Variants in DIAPH3 observed in about 807,000 individuals in gnomAD.
DIAPH3 encodes diaphanous related formin 3, also known as protein diaphanous homolog 3.
DIAPH3 carries 117 observed loss-of-function variants against 144.3 expected under a neutral mutation model. That is an observed-to-expected ratio of 0.81 (90% CI 0.70 to 0.95). The LOEUF is 0.95. Ranked by LOEUF, DIAPH3 falls within the 40% of genes least tolerant of loss-of-function variation. DIAPH3 has a pLI of 0.00. For missense variants in DIAPH3, 1,421 were observed against 1,412.7 expected, an observed-to-expected ratio of 1.01 and a Z score of -0.09; for synonymous variants, 519 against 488.9, an observed-to-expected ratio of 1.06 and a Z score of -0.81.
intron 18 of DIAPH3, among the ~76,000 whole-genome samples, chr13:59,919,866 T>C (rs115383146): frequency 1.9e-3 from 288 of 152,144 alleles, no homozygotes; most frequent in African/African-American, 6.3e-3. Flanking sequence ...TGTTAAGGAA[T>C]ATTCAATATG....
At chr13:60,009,145 G>A (rs953511588) in intron 8 of DIAPH3, among the ~76,000 whole-genome samples, 2 of 152,110 alleles carry the variant, frequency 1.3e-5, no homozygotes, top group African/African-American at 4.8e-5. Flanking sequence ...AAATGAAGCT[G>A]AGTGATAGTC....
chr13:59,927,192 C>T (rs1407131040), intron 17 of DIAPH3, among the ~76,000 whole-genome samples: 1 of 152,078 alleles, frequency 6.6e-6, no homozygotes, highest in African/African-American at 2.4e-5. Context: ...AATCCCTTTG[C>T]TTTCAGTCAC....
chr13:60,086,165 C>A (rs1040810699), intron 4 of DIAPH3, among the ~76,000 whole-genome samples: 1 of 151,970 alleles, frequency 6.6e-6, no homozygotes, highest in Non-Finnish European at 1.5e-5. Flanking sequence ...ATAATTTACT[C>A]CTATAAAAAA....
chr13:59,955,193 T>C (rs1236119530), intron 17 of DIAPH3, among the ~76,000 whole-genome samples: 4 of 152,070 alleles, frequency 2.6e-5, no homozygotes, highest in Non-Finnish European at 5.9e-5. Flanking sequence ...CTATTACTAC[T>C]GATATGCTTT....
chr13:60,119,891 GCAGT>G (rs1346148166), intron 2 of DIAPH3, among the ~76,000 whole-genome samples: 5 of 151,812 alleles, frequency 3.3e-5, no homozygotes, highest in African/African-American at 7.3e-5. Flanking sequence ...CTGATAGTTA[GCAGT>G]CAGTCAAGTA....
At chr13:59,932,662 C>G (rs1418303103) in intron 17 of DIAPH3, among the ~76,000 whole-genome samples, 5 of 152,090 alleles carry the variant, frequency 3.3e-5, no homozygotes, top group African/African-American at 1.2e-4. Flanking sequence ...TTTAATGTAT[C>G]AGCATACTCA....
rs2032517938 is a variant in DIAPH3 at position 59,674,071 on chromosome 13, G to A, written c.3320-7225C>T. ...GGACCTCAAATTTGCAGCTGGTACT[G>A]AAGTGAAGGCAATCTTTTAGAGGAC... On this transcript the variant is annotated intron_variant, in intron 27 of 27. Coordinates refer to ENST00000400324, the MANE Select transcript of DIAPH3 (RefSeq NM_001042517.2). Among the ~76,000 whole-genome samples the A allele has an allele frequency of 2.6e-5, 4 of 152,188 alleles. No homozygotes were observed. In the South Asian group the frequency reaches 8.3e-4, roughly 32 times the overall value.
At chr13:60,087,562 C>T (rs531206224) in intron 4 of DIAPH3, among the ~76,000 whole-genome samples, 14 of 152,198 alleles carry the variant, frequency 9.2e-5, no homozygotes, top group African/African-American at 3.4e-4. Context: ...ATCATTAATA[C>T]TTGATATTTA....
intron 5 of DIAPH3, among the ~76,000 whole-genome samples, chr13:60,032,470 T>G (rs1364552793): frequency 6.6e-6 from 1 of 152,234 alleles, no homozygotes; most frequent in East Asian, 1.9e-4. Context: ...TCTTGCATTC[T>G]GTGCACCCAC....
intron 2 of DIAPH3, among the ~76,000 whole-genome samples, chr13:60,123,863 A>C (rs2138164745): frequency 6.6e-6 from 1 of 152,354 alleles, no homozygotes; most frequent in East Asian, 1.9e-4. Flanking sequence ...CTAGAATAAT[A>C]AGATAAAACT....
chr13:59,927,937 TAG>T (rs1460976207), intron 17 of DIAPH3, among the ~76,000 whole-genome samples: 4 of 152,186 alleles, frequency 2.6e-5, no homozygotes, highest in African/African-American at 9.6e-5. Flanking sequence ...TCCCAAGACT[TAG>T]AGAGTTTTCA....
At chr13:59,722,389 G>C (rs1165768265) in intron 27 of DIAPH3, among the ~76,000 whole-genome samples, 1 of 152,136 alleles carries the variant, frequency 6.6e-6, no homozygotes, top group African/African-American at 2.4e-5. Context: ...CCATCTACTA[G>C]AGTGTCTTCC....
At chr13:60,050,906 A>C (rs980081653) in intron 4 of DIAPH3, among the ~76,000 whole-genome samples, 1 of 152,292 alleles carries the variant, frequency 6.6e-6, no homozygotes, top group African/African-American at 2.4e-5. Flanking sequence ...GTGATGGAAA[A>C]CATTAGATGT....
intron 27 of DIAPH3, among the ~76,000 whole-genome samples, chr13:59,731,642 T>A (rs752374365): frequency 6.6e-6 from 1 of 152,154 alleles, no homozygotes; most frequent in African/African-American, 2.4e-5. Flanking sequence ...TTAAAAAGCT[T>A]AGAAACAGAA....
intron 20 of DIAPH3, among the ~76,000 whole-genome samples, chr13:59,900,412 T>C (rs1386097019): frequency 1.3e-5 from 2 of 152,170 alleles, no homozygotes; most frequent in Admixed American, 6.5e-5. Context: ...TGATGAATTA[T>C]ATACCCTACA....
chr13:59,883,951 A>ATCTACTTTTGTTGTCTC (rs1380775831), intron 20 of DIAPH3, among the ~76,000 whole-genome samples: 1 of 152,126 alleles, frequency 6.6e-6, no homozygotes, highest in Non-Finnish European at 1.5e-5. Flanking sequence ...ACTTTTTCAG[A>ATCTACTTTTGTTGTCTC]TCTACTTTTG....
intron 20 of DIAPH3, among the ~76,000 whole-genome samples, chr13:59,890,141 C>A (rs1753265610): frequency 1.3e-5 from 2 of 152,088 alleles, no homozygotes. Context: ...TGTATGAACA[C>A]TCCAGCTCCC....
intron 27 of DIAPH3, among the ~76,000 whole-genome samples, chr13:59,760,140 C>A (rs2037503107): frequency 6.6e-6 from 1 of 152,136 alleles, no homozygotes; most frequent in East Asian, 1.9e-4. Context: ...TCACTTTTTT[C>A]TTCTGGCATA....
At chr13:60,114,482 C>T (rs1438836096) in intron 2 of DIAPH3, among the ~76,000 whole-genome samples, 1 of 151,954 alleles carries the variant, frequency 6.6e-6, no homozygotes, top group African/African-American at 2.4e-5. Flanking sequence ...AATGTTGTAA[C>T]ACAAGTGTAA....
Sources: allele counts gnomAD v4.1 joint callset (sites outside exome capture counted in the v4.1 genomes callset), GRCh38; gene constraint gnomAD v4.1.1; transcripts MANE v1.5; gene names NCBI Gene and HGNC (gene_info 2026-07-23, HGNC 2026-07-21).